The following TRNT1 variants were observed in gnomAD, a reference collection of about 807,000 sequenced individuals.
The protein encoded by TRNT1 is CCA tRNA nucleotidyltransferase 1, mitochondrial.
Under a neutral mutation model 45.6 loss-of-function variants are expected in TRNT1, and 44 were observed. The observed-to-expected ratio is 0.97, with a 90% CI of 0.76 to 1.24. TRNT1 has a LOEUF of 1.24. TRNT1 is among the 50% of genes most tolerant of loss of function. The pLI, the probability that TRNT1 is intolerant of heterozygous loss-of-function variation, is 0.00. For missense variants in TRNT1, 633 were observed against 504.4 expected (o/e 1.25, Z -2.44); for synonymous variants, 201 against 171.4 (o/e 1.17, Z -1.35).
intron 1 of TRNT1, 148 bp downstream of exon 1, chr3:3,127,138 C>G (rs1168701946): frequency 1.3e-5 from 2 of 152,286 alleles, no homozygotes; most frequent in African/African-American, 4.8e-5. Context: ...CAGCAGTGGG[C>G]AAAATAGCCC....
In TRNT1 at chr3:3,148,098, A is replaced by G. The variant is rs751047325; in HGVS notation, c.1249A>G (p.Lys417Glu). The G allele has an allele frequency of 1.9e-6, 3 of 1,613,930 alleles. No individual in the cohort carries two copies. In the Admixed American group the frequency reaches 5.0e-5, roughly 27 times the overall value. Residue 417 changes from lysine to glutamate, a missense_variant, in exon 8 of 8, where the codon AAA becomes GAA. Coordinates refer to ENST00000251607, the MANE Select transcript of TRNT1 (RefSeq NM_182916.3). ...ACAACAGTTGCGAGAACAGTGGAAA[A>G]AAAGTGGTTACCAAATGGAAAAAGA... is the stretch of plus-strand genomic sequence containing the variant. ...LLQQLREQWK[K>E]SGYQMEKDEL... is the part of the protein sequence containing the mutation.
intron 2 of TRNT1, among the ~76,000 whole-genome samples, chr3:3,132,747 C>CCA (rs1705094486): frequency 3.2e-5 from 3 of 94,948 alleles, no homozygotes; most frequent in Middle Eastern, 6.3e-3. Context: ...AAAAAAAACA[C>CCA]AAAAAAAAAA....
At chr3:3,151,178 TAC>T, downstream of TRNT1, 1 of 918,004 alleles carries the variant, frequency 1.1e-6, no homozygotes, top group Non-Finnish European at 1.7e-6. Flanking sequence ...ATTTGATCCA[TAC>T]AGTTCCCTGA....
chr3:3,147,325 C>A, intron 6 of TRNT1, 125 bp from the exon 7 acceptor site: 2 of 1,078,592 alleles, frequency 1.9e-6, no homozygotes, highest in African/African-American at 1.6e-5. Flanking sequence ...GAACATCAGA[C>A]TGAACCTATA....
chr3:3,137,347 AT>A lies in TRNT1; in HGVS notation c.240del (p.Phe80LeufsTer10), dbSNP rs1297648080. 1 of 1,613,922 alleles carries A rather than the reference AT, an allele frequency of 6.2e-7. No individual in the cohort carries two copies. Among genetic ancestry groups the A allele is most frequent in the Non-Finnish European group, 8.5e-7 (1 of 1,179,952 alleles). Reference protein sequence around the residue: ...LLNGVKPQDIDFATTATPTQM... With the variant: ...LLNGVKPQDIXFATTATPTQM... ...AATGGAGTAAAGCCTCAGGATATAG[AT>A]TTTGCCACCACTGCTACCCCTACTC... On this transcript the variant is annotated frameshift_variant, in exon 3 of 8. Transcript: ENST00000251607. LOFTEE classifies it high-confidence loss of function.
intron 2 of TRNT1, among the ~76,000 whole-genome samples, chr3:3,133,874 C>T (rs925404776): frequency 6.6e-6 from 1 of 152,064 alleles, no homozygotes; most frequent in African/African-American, 2.4e-5. Context: ...CCTTACCCCA[C>T]CCCAGCCTCC....
At chr3:3,150,518 A>AT (rs11320492), downstream of TRNT1, 5,163 of 185,966 alleles carry the variant, frequency 0.028, 82 homozygotes, top group Admixed American at 0.063. Context: ...GGAATTTAAG[A>AT]TTTTTTTTTT....
At chr3:3,152,236 C>CT (rs1227283551), downstream of TRNT1, among the ~76,000 whole-genome samples, 1 of 151,400 alleles carries the variant, frequency 6.6e-6, no homozygotes, top group Non-Finnish European at 1.5e-5. Flanking sequence ...CTGCAACACT[C>CT]TTGCCTTCCA....
intron 5 of TRNT1, chr3:3,145,502 C>CAAAAA (rs5846248): frequency 1.1e-5 from 1 of 88,396 alleles, no homozygotes; most frequent in Non-Finnish European, 2.4e-5. Flanking sequence ...GACTCCATCT[C>CAAAAA]AAAAAAAAAA....
At chr3:3,127,772 C>G (rs1253301740) in intron 1 of TRNT1, 1 of 152,228 alleles carries the variant, frequency 6.6e-6, no homozygotes, top group Non-Finnish European at 1.5e-5. Flanking sequence ...CCCTCTCATA[C>G]TGCCTGAAGC....
At chr3:3,131,022 G>A (rs529140806) in intron 2 of TRNT1, among the ~76,000 whole-genome samples, 45 of 151,954 alleles carry the variant, frequency 3.0e-4, no homozygotes, top group African/African-American at 7.7e-4. Flanking sequence ...GGGGGCTTGC[G>A]GTAAGCCGAG....
downstream of TRNT1, chr3:3,149,835 C>T (rs901708681): frequency 1.3e-5 from 2 of 152,050 alleles, no homozygotes; most frequent in Admixed American, 6.6e-5. Flanking sequence ...AAACATTTAA[C>T]CTGATTAGTT....
downstream of TRNT1, chr3:3,152,584 T>TAAAC: frequency 6.2e-7 from 1 of 1,614,004 alleles, no homozygotes; most frequent in Non-Finnish European, 8.5e-7. Flanking sequence ...CACATAAGGA[T>TAAAC]AAACTAAAAC....
intron 2 of TRNT1, among the ~76,000 whole-genome samples, chr3:3,133,490 G>A (rs334777): frequency 0.91 from 138,485 of 151,858 alleles, 64,501 homozygotes; most frequent in East Asian, 1. Context: ...CTTGGGGTCA[G>A]GGCTGCAGAG....
intron 4 of TRNT1, 128 bp downstream of exon 4, chr3:3,140,776 A>T: frequency 1.6e-6 from 2 of 1,240,034 alleles, no homozygotes; most frequent in Non-Finnish European, 2.2e-6. Flanking sequence ...ATGGTTTAGC[A>T]GATTGCTTCA....
At chr3:3,142,515 TTTTA>T (rs1320113720) in intron 4 of TRNT1, among the ~76,000 whole-genome samples, 3 of 152,218 alleles carry the variant, frequency 2.0e-5, no homozygotes, top group East Asian at 1.9e-4. Context: ...TATTTCATAT[TTTTA>T]TTTACTGTAT....
At chr3:3,127,824 C>G (rs1392277953) in intron 1 of TRNT1, 2 of 152,124 alleles carry the variant, frequency 1.3e-5, no homozygotes, top group Non-Finnish European at 2.9e-5. Flanking sequence ...ATGTGGCATG[C>G]GAGTGTCGTG....
At chr3:3,149,037 C>T (rs1008455816), downstream of TRNT1, 1 of 151,696 alleles carries the variant, frequency 6.6e-6, no homozygotes, top group African/African-American at 2.4e-5. Context: ...TTTATTTCAG[C>T]TGCTATAATT....
intron 2 of TRNT1, among the ~76,000 whole-genome samples, chr3:3,136,424 G>A (rs78616613): frequency 0.012 from 1,782 of 152,274 alleles, 15 homozygotes; most frequent in African/African-American, 0.019. Flanking sequence ...TCTACCTAGA[G>A]CACAGATAGG....
Sources: allele counts gnomAD v4.1 joint callset (sites outside exome capture counted in the v4.1 genomes callset), GRCh38; gene constraint gnomAD v4.1.1; transcripts MANE v1.5; gene names NCBI Gene and HGNC (gene_info 2026-07-23, HGNC 2026-07-21).